Variants in AFF2 observed in about 807,000 individuals in gnomAD.
AFF2 encodes ALF transcription elongation factor 2.
Under a neutral mutation model 76.9 loss-of-function variants are expected in AFF2, and 14 were observed. The observed-to-expected ratio is 0.18, with a 90% CI of 0.12 to 0.28. AFF2 has a LOEUF of 0.28. AFF2 is among the 10% of genes least tolerant of loss of function. AFF2 has a pLI of 1.00. For missense variants in AFF2, 868 were observed against 1,001.1 expected, an observed-to-expected ratio of 0.87 and a Z score of 1.79; for synonymous variants, 398 against 366.7, an observed-to-expected ratio of 1.09 and a Z score of -0.98.
intron 1 of AFF2, among the ~76,000 whole-genome samples, chrX:148,543,175 A>G (rs1557237733): frequency 2.7e-5 from 3 of 111,453 alleles, no homozygotes; most frequent in Non-Finnish European, 5.7e-5. Context: ...GAAATGCCCA[A>G]TGTCAGGTGC....
Position 148,954,567 on chromosome X carries a change from A to G in AFF2, c.1557+828A>G, listed in dbSNP as rs1328467503. 2.7e-5 allele frequency among the ~76,000 whole-genome samples: 3 copies of G among 112,233 alleles called. No homozygotes were observed. In the East Asian group the frequency reaches 8.3e-4, roughly 31 times the overall value. ...ATTTTCTCATATTATCCTCATGACA[A>G]CCTTACAGAGTACTTATTATTATTT... On this transcript the variant is annotated intron_variant, in intron 10 of 20. Transcript: ENST00000370460.
chrX:148,796,268 C>T (rs2069981405), intron 3 of AFF2, among the ~76,000 whole-genome samples: 1 of 110,217 alleles, frequency 9.1e-6, no homozygotes, highest in South Asian at 3.9e-4. Context: ...TCTGTGAAGG[C>T]CACTGGAGGG....
intron 4 of AFF2, among the ~76,000 whole-genome samples, chrX:148,827,307 T>G (rs1395804583): frequency 2.7e-5 from 3 of 112,057 alleles, no homozygotes; most frequent in Non-Finnish European, 5.6e-5. Flanking sequence ...CTAAAAGTAG[T>G]TGTCATGAAC....
At chrX:148,948,941 G>T (rs1603346008) in intron 9 of AFF2, among the ~76,000 whole-genome samples, 1 of 111,107 alleles carries the variant, frequency 9.0e-6, no homozygotes, top group East Asian at 2.9e-4. Context: ...TCTTTCTGTG[G>T]TCAGCTGTAA....
At chrX:148,950,097 G>GA (rs2071947096) in intron 9 of AFF2, among the ~76,000 whole-genome samples, 1 of 112,794 alleles carries the variant, frequency 8.9e-6, no homozygotes, top group African/African-American at 3.2e-5. Flanking sequence ...TTGCCAACTT[G>GA]AAAGTTCCAT....
At chrX:148,682,409 A>C (rs2054559761) in intron 3 of AFF2, among the ~76,000 whole-genome samples, 2 of 112,286 alleles carry the variant, frequency 1.8e-5, no homozygotes, top group Non-Finnish European at 1.9e-5. Flanking sequence ...GGCCACAGCC[A>C]AGTGTCATGT....
At chrX:148,682,388 C>A (rs2054559369) in intron 3 of AFF2, among the ~76,000 whole-genome samples, 1 of 112,073 alleles carries the variant, frequency 8.9e-6, no homozygotes, top group East Asian at 2.8e-4. Flanking sequence ...CAAAGGCCTC[C>A]TGCCACCATG....
Position 148,991,374 on chromosome X carries a change from C to T in AFF2, c.*42C>T, listed in dbSNP as rs2072531883. 1.7e-6 allele frequency: 2 copies of T among 1,150,961 alleles called. No individual in the cohort carries two copies. The highest frequency in any genetic ancestry group is 1.8e-5 in the African/African-American group (1 of 55,750). 94.9% of individuals were successfully genotyped at this position (1,150,961 alleles called of 1,213,427 possible). On this transcript the variant is annotated 3_prime_UTR_variant, in exon 21 of 21. Coordinates refer to ENST00000370460, the MANE Select transcript of AFF2 (RefSeq NM_002025.4). ...TCTAGCATCACGACCCATCACTCTA[C>T]CTCTACCAGCGCACTGATGGTCACT...
chrX:148,864,085 G>C (rs1183126039), intron 7 of AFF2, among the ~76,000 whole-genome samples: 1 of 111,613 alleles, frequency 9.0e-6, no homozygotes, highest in Admixed American at 9.5e-5. Context: ...TCAGTGTACT[G>C]TGAGCAAGTC....
At chrX:148,891,930 A>G (rs1375749991) in intron 8 of AFF2, among the ~76,000 whole-genome samples, 1 of 112,294 alleles carries the variant, frequency 8.9e-6, no homozygotes, top group Non-Finnish European at 1.9e-5. Flanking sequence ...TAGCACAGTT[A>G]GAAGTTCAGA....
chrX:148,535,176 G>A (rs2052770356), intron 1 of AFF2, among the ~76,000 whole-genome samples: 1 of 111,710 alleles, frequency 9.0e-6, no homozygotes, highest in African/African-American at 3.3e-5. Flanking sequence ...CTCAATATGA[G>A]AGCTGCTACC....
rs879970205 is a variant in AFF2 at position 148,953,814 on chromosome X, GACAC to G, written c.1557+94_1557+97del. On this transcript the variant is annotated intron_variant, in intron 10 of 20. Coordinates refer to ENST00000370460, the MANE Select transcript of AFF2 (RefSeq NM_002025.4). ...AGCACCCTCAACACACACACACACA[GACAC>G]ACACACACACACACACACTTTCAGC... 504 of 614,105 alleles carry G rather than the reference GACAC, an allele frequency of 8.2e-4. 1 individual carries two copies. Among genetic ancestry groups the G allele is most frequent in the South Asian group, 6.8e-3 (200 of 29,518 alleles). The allele number at this position is 614,105 out of a possible 1,213,427, so 50.6% of individuals were successfully genotyped here.
chrX:148,737,865 A>T (rs1424266076), intron 3 of AFF2, among the ~76,000 whole-genome samples: 1 of 111,582 alleles, frequency 9.0e-6, no homozygotes, highest in Non-Finnish European at 1.9e-5. Context: ...TTCTGCATCT[A>T]TTGAGATGAT....
chrX:148,587,201 A>G (rs1454536251), intron 1 of AFF2, among the ~76,000 whole-genome samples: 5 of 112,163 alleles, frequency 4.5e-5, no homozygotes, highest in African/African-American at 1.6e-4. Context: ...ATTAAACAAA[A>G]ACAGTTGTAA....
chrX:148,854,629 G>A (rs1298935953), intron 7 of AFF2, among the ~76,000 whole-genome samples: 1 of 111,284 alleles, frequency 9.0e-6, no homozygotes, highest in Non-Finnish European at 1.9e-5. Flanking sequence ...GATCAAGAGG[G>A]CCAGCAGTCA....
chrX:148,787,695 T>C (rs1392735025), intron 3 of AFF2, among the ~76,000 whole-genome samples: 1 of 112,374 alleles, frequency 8.9e-6, no homozygotes, highest in Non-Finnish European at 1.9e-5. Context: ...GTGCATTATT[T>C]GCTACTTGGT....
chrX:148,809,043 C>G (rs782692199), intron 3 of AFF2, among the ~76,000 whole-genome samples: 1 of 111,124 alleles, frequency 9.0e-6, no homozygotes, highest in East Asian at 2.8e-4. Context: ...CAGATGTGAT[C>G]GGATTGCAAT....
chrX:148,531,671 C>T (rs1361477932), intron 1 of AFF2, among the ~76,000 whole-genome samples: 5 of 111,815 alleles, frequency 4.5e-5, no homozygotes, highest in East Asian at 2.8e-4. Flanking sequence ...AAGGGGTTAA[C>T]GTTTTCCCAA....
At chrX:148,924,041 T>C (rs781821785) in intron 9 of AFF2, among the ~76,000 whole-genome samples, 1 of 112,199 alleles carries the variant, frequency 8.9e-6, no homozygotes, top group South Asian at 3.8e-4. Flanking sequence ...GGCCTAATTA[T>C]ATGTAGGACT....
Sources: gnomAD v4.1 joint callset for allele counts (sites outside exome capture counted in the v4.1 genomes callset) on GRCh38, gnomAD v4.1.1 for gene constraint, MANE v1.5 for transcripts, NCBI Gene and HGNC (gene_info 2026-07-23, HGNC 2026-07-21) for gene names.